Variants in ABTB3 observed in about 807,000 individuals in gnomAD.
ABTB3 encodes the protein ankyrin repeat and BTB domain containing 3.
the ABTB3 span, among the ~76,000 whole-genome samples, chr12:107,322,279 G>T: frequency 3.9e-5 from 6 of 152,128 alleles, no homozygotes; most frequent in Non-Finnish European, 2.9e-5. Context: ...ACACCACAGC[G>T]CTTAACTCTT....
the ABTB3 span, among the ~76,000 whole-genome samples, chr12:107,329,518 C>A: frequency 1.3e-5 from 2 of 152,336 alleles, no homozygotes; most frequent in East Asian, 1.9e-4. Context: ...GCAGTGCCAG[C>A]CTCCTTGCTG....
the ABTB3 span, among the ~76,000 whole-genome samples, chr12:107,653,947 T>C: frequency 5.9e-5 from 9 of 152,124 alleles, no homozygotes; most frequent in Non-Finnish European, 1.2e-4. Context: ...TCCTCATTCC[T>C]CCCCTCCCCC....
At chr12:107,553,944 G>C in the ABTB3 span, among the ~76,000 whole-genome samples, 1 of 152,142 alleles carries the variant, frequency 6.6e-6, no homozygotes, top group Admixed American at 6.5e-5. Flanking sequence ...TCTTGAGAGA[G>C]AGAGAGAGAA....
the ABTB3 span, among the ~76,000 whole-genome samples, chr12:107,526,562 G>A: frequency 1.3e-5 from 2 of 151,968 alleles, no homozygotes; most frequent in African/African-American, 4.8e-5. Flanking sequence ...TGTCACCTCA[G>A]CCTTGCCCCC....
At chr12:107,576,173 A>G in the ABTB3 span, among the ~76,000 whole-genome samples, 6 of 152,308 alleles carry the variant, frequency 3.9e-5, no homozygotes, top group East Asian at 1.2e-3. Context: ...CCTCTACTGA[A>G]GACTGAAACC....
the ABTB3 span, among the ~76,000 whole-genome samples, chr12:107,594,076 G>A: frequency 7.9e-5 from 12 of 152,192 alleles, no homozygotes; most frequent in Non-Finnish European, 1.5e-4. Context: ...TGCCAGAGGG[G>A]ATGCATTAAG....
At chr12:107,388,999 G>A in the ABTB3 span, among the ~76,000 whole-genome samples, 1 of 96,892 alleles carries the variant, frequency 1.0e-5, no homozygotes, top group Non-Finnish European at 2.4e-5. Flanking sequence ...TCCTTTTGGA[G>A]TGAACCAACA....
the ABTB3 span, among the ~76,000 whole-genome samples, chr12:107,386,122 C>A: frequency 6.6e-6 from 1 of 152,218 alleles, no homozygotes; most frequent in Non-Finnish European, 1.5e-5. Flanking sequence ...AGGGCCTTTG[C>A]CCTGGCACTT....
chr12:107,321,493 G>C, the ABTB3 span, among the ~76,000 whole-genome samples: 8 of 152,050 alleles, frequency 5.3e-5, no homozygotes, highest in African/African-American at 1.9e-4. Flanking sequence ...TGTGTGTTGG[G>C]GAGGGGAATC....
At chr12:107,642,448 C>T in the ABTB3 span, among the ~76,000 whole-genome samples, 4 of 152,052 alleles carry the variant, frequency 2.6e-5, no homozygotes, top group African/African-American at 4.8e-5. Flanking sequence ...CTGTGGGGGG[C>T]GGGGACAGTG....
chr12:107,435,371 A>C, the ABTB3 span, among the ~76,000 whole-genome samples: 10 of 151,534 alleles, frequency 6.6e-5, no homozygotes, highest in African/African-American at 2.4e-4. Context: ...TTTACTCAGC[A>C]CTCTCTCCCA....
At chr12:107,633,890 C>T in the ABTB3 span, among the ~76,000 whole-genome samples, 21 of 152,322 alleles carry the variant, frequency 1.4e-4, no homozygotes, top group East Asian at 3.3e-3. Flanking sequence ...GAGGCCCAAG[C>T]ATTTACATTT....
the ABTB3 span, among the ~76,000 whole-genome samples, chr12:107,608,877 T>TATAAAATAAAA: frequency 1.1e-5 from 1 of 90,410 alleles, no homozygotes; most frequent in African/African-American, 3.6e-5. Flanking sequence ...CCTCAAAAAT[T>TATAAAATAAAA]TAAAATAAAA....
chr12:107,613,127 G>A, the ABTB3 span, among the ~76,000 whole-genome samples: 2 of 152,186 alleles, frequency 1.3e-5, no homozygotes, highest in African/African-American at 2.4e-5. Context: ...CAACATAGCT[G>A]CAAGGAGCAC....
At chr12:107,618,089 C>T in the ABTB3 span, 1 of 1,481,148 alleles carries the variant, frequency 6.8e-7, no homozygotes, top group Non-Finnish European at 9.3e-7. Context: ...CCCCAGCCTG[C>T]CCCTGCCCTG....
chr12:107,449,471 A>T, the ABTB3 span, among the ~76,000 whole-genome samples: 1 of 152,098 alleles, frequency 6.6e-6, no homozygotes, highest in Non-Finnish European at 1.5e-5. Context: ...GGAGGCTCTG[A>T]GCTTCAGGAG....
the ABTB3 span, among the ~76,000 whole-genome samples, chr12:107,540,075 T>G: frequency 6.6e-6 from 1 of 152,178 alleles, no homozygotes; most frequent in Non-Finnish European, 1.5e-5. Context: ...TATAACCCCC[T>G]GCGTTAGTCT....
the ABTB3 span, among the ~76,000 whole-genome samples, chr12:107,510,694 G>A: frequency 6.6e-6 from 1 of 152,094 alleles, no homozygotes; most frequent in East Asian, 1.9e-4. Context: ...GCCGATGAGG[G>A]CGGATCACTA....
chr12:107,381,470 C>T, the ABTB3 span, among the ~76,000 whole-genome samples: 8 of 152,166 alleles, frequency 5.3e-5, no homozygotes, highest in African/African-American at 1.9e-4. Flanking sequence ...TACACTGGCA[C>T]CCAAAGGCTG....
Sources: allele counts gnomAD v4.1 joint callset (sites outside exome capture counted in the v4.1 genomes callset), GRCh38; gene constraint gnomAD v4.1.1; transcripts MANE v1.5; gene names NCBI Gene and HGNC (gene_info 2026-07-23, HGNC 2026-07-21).